The following FAF1 variants were observed in gnomAD, a reference collection of about 807,000 sequenced individuals.
FAF1 encodes the protein FAS-associated factor 1.
Under a neutral mutation model 92.5 loss-of-function variants are expected in FAF1, and 25 were observed. The observed-to-expected ratio is 0.27, with a 90% CI of 0.20 to 0.38. FAF1 has a LOEUF of 0.38. Among genes scored for constraint, FAF1 ranks in the 10% least tolerant of loss-of-function variants. FAF1 has a pLI of 1.00. For synonymous variants in FAF1, 234 were observed against 273.2 expected, an observed-to-expected ratio of 0.86 and a Z score of 1.42; for missense variants, 636 against 793.3, an observed-to-expected ratio of 0.80 and a Z score of 2.38.
chr1:50,802,735 C>T (rs1190451556), intron 2 of FAF1, among the ~76,000 whole-genome samples: 1 of 152,206 alleles, frequency 6.6e-6, no homozygotes, highest in African/African-American at 2.4e-5. Flanking sequence ...TTTTCCAACT[C>T]TGTCTTTATA....
chr1:50,747,781 T>C (rs1659687352), intron 4 of FAF1, among the ~76,000 whole-genome samples: 1 of 152,192 alleles, frequency 6.6e-6, no homozygotes, highest in African/African-American at 2.4e-5. Flanking sequence ...AGGAGGTGAC[T>C]GAATCATGTG....
At position 50,440,855 on chromosome 1, in the gene FAF1, A is replaced by G. The variant is rs1292955577; in HGVS notation, c.*585T>C. 1 of 152,260 alleles carries G rather than the reference A, an allele frequency of 6.6e-6. No homozygotes were observed. The highest frequency in any genetic ancestry group is 2.4e-5 in the African/African-American group (1 of 41,458). The allele number at this position is 152,260 out of a possible 1,614,324, so 9.4% of individuals were successfully genotyped here. A position where few individuals can be genotyped will look rare whatever the true frequency, so the allele number is the denominator to read the frequency against. On this transcript the variant is annotated 3_prime_UTR_variant, in exon 19 of 19. Coordinates refer to ENST00000396153, the MANE Select transcript of FAF1 (RefSeq NM_007051.3). ...GCAGCAGTAAATAAATATCTTGCAT[A>G]TATGTCAAATTCAGTCCTCAAACAA...
chr1:50,790,612 T>C (rs944988546), intron 3 of FAF1, among the ~76,000 whole-genome samples: 1 of 151,928 alleles, frequency 6.6e-6, no homozygotes, highest in Non-Finnish European at 1.5e-5. Flanking sequence ...TTTAACTCTC[T>C]GAGAGAAGGT....
In FAF1 at chr1:50,440,468, G is replaced by T. The variant is rs1412142353; in HGVS notation, c.*972C>A. On this transcript the variant is annotated 3_prime_UTR_variant, in exon 19 of 19. Transcript: ENST00000396153. ...AAAACATTAAAAGAATAAAATAGTAGAGCAAGTTCCTTATTACAGGAGAGT... is the reference window on the plus strand; with the variant it reads ...AAAACATTAAAAGAATAAAATAGTATAGCAAGTTCCTTATTACAGGAGAGT... The T allele has an allele frequency of 6.6e-6, 1 of 152,168 alleles. No individual in the cohort carries two copies. The highest frequency in any genetic ancestry group is 1.5e-5 in the Non-Finnish European group (1 of 68,042). The allele number at this position is 152,168 out of a possible 1,614,324, so 9.4% of individuals were successfully genotyped here.
At chr1:50,619,913 T>C (rs574932496) in intron 8 of FAF1, among the ~76,000 whole-genome samples, 2 of 150,504 alleles carry the variant, frequency 1.3e-5, no homozygotes, top group Admixed American at 6.6e-5. Context: ...CTCTCTCTTT[T>C]TTTTTTTTTT....
intron 8 of FAF1, among the ~76,000 whole-genome samples, chr1:50,611,501 G>A (rs1444011244): frequency 6.6e-6 from 1 of 152,140 alleles, no homozygotes; most frequent in African/African-American, 2.4e-5. Context: ...GCTAATTGTG[G>A]ATCTTGAGTT....
chr1:50,904,957 T>C (rs1365863878), intron 1 of FAF1, among the ~76,000 whole-genome samples: 2 of 152,050 alleles, frequency 1.3e-5, no homozygotes, highest in Non-Finnish European at 2.9e-5. Flanking sequence ...TACATATCTA[T>C]ACATGTGCCA....
intron 1 of FAF1, among the ~76,000 whole-genome samples, chr1:50,902,919 T>A (rs918137331): frequency 5.3e-5 from 8 of 152,202 alleles, no homozygotes; most frequent in African/African-American, 7.2e-5. Flanking sequence ...CATTAACTCA[T>A]TTGTGGTGAG....
chr1:50,505,889 A>T (rs146177334), intron 15 of FAF1, among the ~76,000 whole-genome samples: 63 of 152,362 alleles, frequency 4.1e-4, no homozygotes, highest in African/African-American at 1.5e-3. Flanking sequence ...AAGTTTAGAA[A>T]ATCTAGGGAG....
chr1:50,629,592 T>A (rs780376771), intron 8 of FAF1, among the ~76,000 whole-genome samples: 7 of 152,240 alleles, frequency 4.6e-5, no homozygotes, highest in Non-Finnish European at 1.0e-4. Flanking sequence ...ATTTATGGTA[T>A]AGTAAAAAGA....
chr1:50,628,504 T>G (rs181139683), intron 8 of FAF1, among the ~76,000 whole-genome samples: 39 of 152,332 alleles, frequency 2.6e-4, no homozygotes, highest in African/African-American at 8.2e-4. Flanking sequence ...TGGGGATATT[T>G]AATATCATTT....
chr1:50,757,768 T>C (rs1286658597), intron 4 of FAF1, among the ~76,000 whole-genome samples: 1 of 152,160 alleles, frequency 6.6e-6, no homozygotes, highest in East Asian at 1.9e-4. Context: ...TATGGTCTTA[T>C]TTCTTTTCTA....
chr1:50,929,218 A>C (rs1366819094), intron 1 of FAF1, among the ~76,000 whole-genome samples: 1 of 152,152 alleles, frequency 6.6e-6, no homozygotes, highest in African/African-American at 2.4e-5. Flanking sequence ...CACAATATTT[A>C]ATAGAGTTTT....
intron 18 of FAF1, among the ~76,000 whole-genome samples, chr1:50,473,344 T>A (rs190290170): frequency 2.1e-4 from 32 of 152,330 alleles, no homozygotes; most frequent in Non-Finnish European, 4.1e-4. Flanking sequence ...AGTTTAATTT[T>A]AAAATGCAAA....
intron 7 of FAF1, among the ~76,000 whole-genome samples, chr1:50,659,519 T>C (rs187197985): frequency 2.0e-5 from 3 of 152,294 alleles, no homozygotes; most frequent in African/African-American, 4.8e-5. Context: ...CTTTAGAGTA[T>C]GTTAAATTCC....
At chr1:50,789,475 C>T (rs2124575523) in intron 3 of FAF1, among the ~76,000 whole-genome samples, 1 of 152,170 alleles carries the variant, frequency 6.6e-6, no homozygotes, top group African/African-American at 2.4e-5. Context: ...TGGTGTTATC[C>T]TTGATCCCTT....
intron 8 of FAF1, among the ~76,000 whole-genome samples, chr1:50,640,046 T>C (rs1204515086): frequency 6.6e-6 from 1 of 152,158 alleles, no homozygotes; most frequent in East Asian, 1.9e-4. Flanking sequence ...TACTATTCTT[T>C]TTATTTACTG....
Position 50,473,531 on chromosome 1 carries a change from A to T in FAF1, c.1869+1933T>A, listed in dbSNP as rs1415672761. On this transcript the variant is annotated intron_variant, in intron 18 of 18. Transcript: ENST00000396153. ...AGTATGAGAACAAGGCTGATCTTGA[A>T]CACTTTGATAATGGTTCTTTGTTAA... Among the ~76,000 whole-genome samples the T allele has an allele frequency of 2.0e-5, 3 of 152,150 alleles. No individual in the cohort carries two copies. In the East Asian group the frequency reaches 5.8e-4, roughly 29 times the overall value.
intron 7 of FAF1, among the ~76,000 whole-genome samples, chr1:50,696,241 A>G (rs972175040): frequency 6.6e-6 from 1 of 152,104 alleles, no homozygotes; most frequent in Admixed American, 6.5e-5. Context: ...TAAGGTTTAC[A>G]CTTTCCCAAG....
Sources: allele counts gnomAD v4.1 joint callset (sites outside exome capture counted in the v4.1 genomes callset), GRCh38; gene constraint gnomAD v4.1.1; transcripts MANE v1.5; gene names NCBI Gene and HGNC (gene_info 2026-07-23, HGNC 2026-07-21).